TOLLIP: variants seen among roughly 807,000 people sequenced by gnomAD.
TOLLIP encodes the protein toll interacting protein.
Under a neutral mutation model 33.5 loss-of-function variants are expected in TOLLIP, and 16 were observed. The ratio of observed to expected loss-of-function variants is 0.48; its 90% CI spans 0.32 to 0.72. The LOEUF (loss-of-function observed/expected upper bound fraction) is 0.72, where lower values mean the gene tolerates loss of function less well. Among genes scored for constraint, TOLLIP ranks in the 30% least tolerant of loss-of-function variants. TOLLIP has a pLI of 0.03. For synonymous variants in TOLLIP, 176 were observed against 163.7 expected (o/e 1.07, Z -0.57); for missense variants, 325 against 396.6 (o/e 0.82, Z 1.53).
Position 1,290,216 on chromosome 11 carries a change from G to C in TOLLIP, c.366+11C>G. 6.2e-7 allele frequency: 1 copy of C among 1,610,148 alleles called. No homozygotes were observed. The highest frequency in any genetic ancestry group is 8.5e-7 in the Non-Finnish European group (1 of 1,177,574). ...GTGCAGCCTCCATAATAGCTGGCAC[G>C]TCCCTCTCACCTCATCGAAGATCTC... On this transcript the variant is annotated intron_variant, in intron 3 of 5. Transcript: ENST00000317204. This position sits in a 1 kb window ranked among gnomAD's most constrained non-coding sequence, Gnocchi z 4.9.
intron 1 of TOLLIP, among the ~76,000 whole-genome samples, chr11:1,297,936 G>T (rs1864159372): frequency 6.6e-6 from 1 of 152,218 alleles, no homozygotes. Context: ...AGAAGGCCAG[G>T]GCCCTTCGCC....
In TOLLIP at chr11:1,290,314, A is replaced by G; in HGVS notation, c.279T>C (p.Asn93=). The change falls in exon 3 of 6, where the codon AAT becomes AAC. Residue 93 remains asparagine (N), a synonymous_variant. Transcript: ENST00000317204. The surrounding 1 kb of genome is among the most constrained non-coding windows in gnomAD (Gnocchi z 4.9). ...TATTCCAGCGGGGATTCTTGGCGCC[A>G]TTGTGTGCCGTGGGCGTCTCGTACA... ...YAVYETPTAH[N]GAKNPRWNKV... is the part of the protein sequence containing the mutation. 2 of 1,613,554 alleles carry G rather than the reference A, an allele frequency of 1.2e-6. No individual in the cohort carries two copies. Among genetic ancestry groups the G allele is most frequent in the Non-Finnish European group, 1.7e-6 (2 of 1,179,956 alleles).
In TOLLIP at chr11:1,278,453, C is replaced by T. The variant is rs5744011; in HGVS notation, c.611-1200G>A. On this transcript the variant is annotated intron_variant, in intron 5 of 5. Coordinates refer to ENST00000317204, the MANE Select transcript of TOLLIP (RefSeq NM_019009.4). The surrounding 1 kb of genome is among the most constrained non-coding windows in gnomAD (Gnocchi z 4.7). ...AAGCCACTTCAATCCTGGCCTGAAC[C>T]AACACCAGCAACAAGACCTGCAGGG... Among the ~76,000 whole-genome samples, 1,194 of 152,254 alleles carry T rather than the reference C, an allele frequency of 7.8e-3. 12 individuals carry two copies. Among genetic ancestry groups the T allele is most frequent in the African/African-American group, 0.026 (1,093 of 41,552 alleles).
At chr11:1,288,994 TGGGCCAGGGCCA>T (rs1044578941) in intron 3 of TOLLIP, among the ~76,000 whole-genome samples, 135 of 152,320 alleles carry the variant, frequency 8.9e-4, no homozygotes, top group Non-Finnish European at 1.6e-3. Context: ...TCCACCAGGA[TGGGCCAGGGCCA>T]GGGCCAGGGC....
At chr11:1,298,734 C>A (rs1864182424) in intron 1 of TOLLIP, among the ~76,000 whole-genome samples, 1 of 152,254 alleles carries the variant, frequency 6.6e-6, no homozygotes, top group Admixed American at 6.5e-5. Context: ...TCATCAGCCC[C>A]ACGCAGCCCG....
In TOLLIP at chr11:1,276,879, A is replaced by G. The variant is rs1863323312; in HGVS notation, c.*160T>C. ...GGACCGCCAGGAACCGAAAACCCAC[A>G]TGCACCCAAGAACAGGTGTGGACGG... On this transcript the variant is annotated 3_prime_UTR_variant, in exon 6 of 6. Coordinates refer to ENST00000317204, the MANE Select transcript of TOLLIP (RefSeq NM_019009.4). 1 of 1,546,714 alleles carries G rather than the reference A, an allele frequency of 6.5e-7. No individual in the cohort carries two copies.
chr11:1,295,537 A>C, intron 2 of TOLLIP, 108 bp downstream of exon 2: 1 of 1,323,146 alleles, frequency 7.6e-7, no homozygotes, highest in Non-Finnish European at 1.0e-6. Flanking sequence ...GGGAATCAGA[A>C]GTTCTGTTTG....
At chr11:1,286,815 A>G (rs1186522392) in intron 4 of TOLLIP, among the ~76,000 whole-genome samples, 1 of 152,008 alleles carries the variant, frequency 6.6e-6, no homozygotes, top group Non-Finnish European at 1.5e-5. Flanking sequence ...TCAACCGTGG[A>G]TAAGTCACTG....
At chr11:1,284,876 TCTC>T (rs5743985) in intron 5 of TOLLIP, among the ~76,000 whole-genome samples, 10,077 of 152,138 alleles carry the variant, frequency 0.066, 379 homozygotes, top group Admixed American at 0.11. Context: ...CCCAGTGCCG[TCTC>T]CTCCTTCCCA....
chr11:1,299,315 G>A (rs1027446829), intron 1 of TOLLIP, among the ~76,000 whole-genome samples: 3 of 152,174 alleles, frequency 2.0e-5, no homozygotes, highest in Admixed American at 2.0e-4. Flanking sequence ...CCAGGGAGAG[G>A]CGGCTTGCCT....
chr11:1,298,331 G>C (rs1300743114), intron 1 of TOLLIP: 1 of 152,248 alleles, frequency 6.6e-6, no homozygotes, highest in Non-Finnish European at 1.5e-5. Context: ...CCACACGTGG[G>C]GGACAGACAG....
rs1052333188 is a variant in TOLLIP at position 1,275,880 on chromosome 11, G to C, written c.*1159C>G. The C allele has an allele frequency of 2.6e-5, 4 of 152,188 alleles. No homozygotes were observed. Among genetic ancestry groups the C allele is most frequent in the Non-Finnish European group, 5.9e-5 (4 of 68,048 alleles). The allele number at this position is 152,188 out of a possible 1,614,324, so 9.4% of individuals were successfully genotyped here. A position where few individuals can be genotyped will look rare whatever the true frequency, so the allele number is the denominator to read the frequency against. ...TCCGAAGGCCGGCGGCAAGACACTT[G>C]AACCACAAACACCAGACATGCAGGT... On this transcript the variant is annotated 3_prime_UTR_variant, in exon 6 of 6. Coordinates refer to ENST00000317204, the MANE Select transcript of TOLLIP (RefSeq NM_019009.4).
intron 1 of TOLLIP, among the ~76,000 whole-genome samples, chr11:1,297,994 C>A (rs980218074): frequency 2.0e-5 from 3 of 152,234 alleles, no homozygotes; most frequent in Non-Finnish European, 4.4e-5. Flanking sequence ...CCGGGGGACA[C>A]CTGGCCACAC....
At chr11:1,292,508 C>G (rs1564973896) in intron 2 of TOLLIP, among the ~76,000 whole-genome samples, 1 of 152,386 alleles carries the variant, frequency 6.6e-6, no homozygotes, top group East Asian at 1.9e-4. Flanking sequence ...TCTCCTCCCA[C>G]TGCCCTCTGC....
chr11:1,282,932 A>G (rs1478860958), intron 5 of TOLLIP, among the ~76,000 whole-genome samples: 1 of 151,848 alleles, frequency 6.6e-6, no homozygotes, highest in African/African-American at 2.4e-5. Context: ...AACTTAAAAT[A>G]TAATTAAAAT....
At chr11:1,301,179 T>TA (rs1668845882) in intron 1 of TOLLIP, among the ~76,000 whole-genome samples, 2 of 152,216 alleles carry the variant, frequency 1.3e-5, no homozygotes, top group Admixed American at 1.3e-4. Flanking sequence ...ATAAACACAA[T>TA]AAAAAATATC....
chr11:1,303,446 G>A lies in TOLLIP; in HGVS notation c.33+6020C>T, dbSNP rs150516908. Reference sequence around the variant, plus strand: ...CCTGAGGCTTCCATGGTGAGGTGCTGGGGCACCCCTGCTCCTGGGATGCTT... The same window carrying A: ...CCTGAGGCTTCCATGGTGAGGTGCTAGGGCACCCCTGCTCCTGGGATGCTT... On this transcript the variant is annotated intron_variant, in intron 1 of 5. Transcript: ENST00000317204. The surrounding 1 kb of genome is among the most constrained non-coding windows in gnomAD (Gnocchi z 4.2). 1.2e-3 allele frequency among the ~76,000 whole-genome samples: 190 copies of A among 152,360 alleles called. 1 individual carries two copies. Among genetic ancestry groups the A allele is most frequent in the African/African-American group, 4.4e-3 (185 of 41,596 alleles).
chr11:1,304,034 TAAAAAA>T (rs1190313088), intron 1 of TOLLIP, among the ~76,000 whole-genome samples: 1 of 87,928 alleles, frequency 1.1e-5, no homozygotes, highest in African/African-American at 4.3e-5. Context: ...AGCCTCCATG[TAAAAAA>T]AAAAAAAAAA....
In TOLLIP at chr11:1,276,405, T is replaced by G; in HGVS notation, c.*634A>C. 1 of 273,884 alleles carries G rather than the reference T, an allele frequency of 3.7e-6. No homozygotes were observed. The highest frequency in any genetic ancestry group is 3.6e-5 in the South Asian group (1 of 27,914). 17.0% of individuals were successfully genotyped at this position (273,884 alleles called of 1,614,324 possible). On this transcript the variant is annotated 3_prime_UTR_variant, in exon 6 of 6. Transcript: ENST00000317204. ...CAGGCCCCCTTCCTCACTCCAGGTGTGGGTTCATTCTGCCTTCAGGCCGGA... is the reference window on the plus strand; with the variant it reads ...CAGGCCCCCTTCCTCACTCCAGGTGGGGGTTCATTCTGCCTTCAGGCCGGA...
Sources: allele counts gnomAD v4.1 joint callset (sites outside exome capture counted in the v4.1 genomes callset), GRCh38; gene constraint gnomAD v4.1.1; non-coding constraint Gnocchi (gnomAD v3.1); transcripts MANE v1.5; gene names NCBI Gene and HGNC (gene_info 2026-07-23, HGNC 2026-07-21).